Variants in PTPRG observed in about 807,000 individuals in gnomAD.
PTPRG encodes receptor-type tyrosine-protein phosphatase gamma.
PTPRG carries 102 observed loss-of-function variants against 165.3 expected under a neutral mutation model. The observed-to-expected ratio is 0.62, with a 90% CI of 0.53 to 0.73. PTPRG has a LOEUF of 0.73. PTPRG is among the 30% of genes least tolerant of loss of function. The pLI is 0.00. For missense variants in PTPRG, 1,866 were observed against 1,861.4 expected, an observed-to-expected ratio of 1.00 and a Z score of -0.05; for synonymous variants, 675 against 669.5, an observed-to-expected ratio of 1.01 and a Z score of -0.13.
At chr3:61,849,145 A>G (rs1033952356) in intron 2 of PTPRG, among the ~76,000 whole-genome samples, 1 of 152,166 alleles carries the variant, frequency 6.6e-6, no homozygotes, top group Non-Finnish European at 1.5e-5. Context: ...AACGTCAAAG[A>G]TTATTTTTGC....
Position 61,729,021 on chromosome 3 carries a change from C to T in PTPRG, c.86-19857C>T, listed in dbSNP as rs73099179. On this transcript the variant is annotated intron_variant, in intron 1 of 29. Transcript: ENST00000474889. ...AGGCTGCAGTGGGCCGAGATTGCAC[C>T]GTTGTGCTCCAGTCTGGGCGGCAGA... Among the ~76,000 whole-genome samples, 720 of 151,836 alleles carry T rather than the reference C, an allele frequency of 4.7e-3. 4 individuals carry two copies. The highest frequency in any genetic ancestry group is 0.017 in the South Asian group (81 of 4,794).
rs947934715 is a variant in PTPRG at position 62,222,198 on chromosome 3, C to T, written c.2288+3215C>T. On this transcript the variant is annotated intron_variant, in intron 13 of 29. Coordinates refer to ENST00000474889, the MANE Select transcript of PTPRG (RefSeq NM_002841.4). The surrounding 1 kb of genome is among the most constrained non-coding windows in gnomAD (Gnocchi z 4.5). ...AAATCCATTTCAAAATGCCTTAAAGCTCAAGGGGAAAAAAAAAAGTTTGAT... is the reference window on the plus strand; with the variant it reads ...AAATCCATTTCAAAATGCCTTAAAGTTCAAGGGGAAAAAAAAAAGTTTGAT... Among the ~76,000 whole-genome samples the T allele has an allele frequency of 6.6e-6, 1 of 152,032 alleles. No individual in the cohort carries two copies. Among genetic ancestry groups the T allele is most frequent in the African/African-American group, 2.4e-5 (1 of 41,392 alleles).
At chr3:61,793,309 C>T (rs1182199259) in intron 2 of PTPRG, among the ~76,000 whole-genome samples, 2 of 152,148 alleles carry the variant, frequency 1.3e-5, no homozygotes, top group Non-Finnish European at 2.9e-5. Context: ...GTGGTGGTTT[C>T]AAGACTGGTT....
At chr3:62,003,537 G>T (rs1284823034) in intron 4 of PTPRG, 40 bp downstream of exon 4, 1 of 1,607,160 alleles carries the variant, frequency 6.2e-7, no homozygotes, top group Admixed American at 1.7e-5. Context: ...GCTGTGCTTC[G>T]GTCTTTATGT....
At chr3:62,062,893 A>G (rs982809034) in intron 4 of PTPRG, among the ~76,000 whole-genome samples, 1 of 152,182 alleles carries the variant, frequency 6.6e-6, no homozygotes, top group African/African-American at 2.4e-5. Flanking sequence ...AACTCAAGCT[A>G]TCTGCCCGTC....
intron 1 of PTPRG, among the ~76,000 whole-genome samples, chr3:61,663,832 G>C (rs967713256): frequency 1.3e-5 from 2 of 152,072 alleles, no homozygotes; most frequent in Admixed American, 1.3e-4. Context: ...GCTCCTATGA[G>C]AATCTAATGC....
At chr3:62,241,145 T>C (rs1388255826) in intron 14 of PTPRG, among the ~76,000 whole-genome samples, 1 of 152,202 alleles carries the variant, frequency 6.6e-6, no homozygotes, top group African/African-American at 2.4e-5. Context: ...CTAATTTTTC[T>C]GCAAAGATGA....
intron 4 of PTPRG, among the ~76,000 whole-genome samples, chr3:62,004,010 T>G (rs1424546586): frequency 6.6e-6 from 1 of 152,188 alleles, no homozygotes; most frequent in Admixed American, 6.5e-5. Flanking sequence ...ATTTTGCTTC[T>G]GCTGTGTCAG....
intron 2 of PTPRG, among the ~76,000 whole-genome samples, chr3:61,870,744 A>C (rs1166036244): frequency 6.6e-6 from 1 of 151,830 alleles, no homozygotes; most frequent in Non-Finnish European, 1.5e-5. Context: ...AAATCTGTGT[A>C]AGTGTTGTCT....
chr3:62,179,901 C>G (rs1559610906), intron 8 of PTPRG, among the ~76,000 whole-genome samples: 3 of 152,178 alleles, frequency 2.0e-5, no homozygotes, highest in Non-Finnish European at 4.4e-5. Flanking sequence ...GGAGTTCATC[C>G]TACCACTCCA....
chr3:61,948,066 T>C (rs974373373), intron 2 of PTPRG, among the ~76,000 whole-genome samples: 1 of 152,166 alleles, frequency 6.6e-6, no homozygotes, highest in African/African-American at 2.4e-5. Context: ...GGCTCAAGCC[T>C]GTAATCCCAG....
At chr3:62,067,327 C>G (rs932300490) in intron 4 of PTPRG, among the ~76,000 whole-genome samples, 2 of 150,908 alleles carry the variant, frequency 1.3e-5, no homozygotes, top group Admixed American at 1.3e-4. Flanking sequence ...ATGTGGGGCA[C>G]TATTCTTTGC....
chr3:61,796,595 G>C (rs1302402014), intron 2 of PTPRG, among the ~76,000 whole-genome samples: 1 of 152,184 alleles, frequency 6.6e-6, no homozygotes, highest in African/African-American at 2.4e-5. Flanking sequence ...GCATGGTGGG[G>C]AGGGGGTTGC....
intron 1 of PTPRG, among the ~76,000 whole-genome samples, chr3:61,704,275 A>C (rs1440062039): frequency 1.3e-5 from 2 of 152,176 alleles, no homozygotes; most frequent in African/African-American, 4.8e-5. Flanking sequence ...TGTACCTACC[A>C]TTTAGGATTG....
At chr3:61,878,159 A>C (rs542844042) in intron 2 of PTPRG, among the ~76,000 whole-genome samples, 1 of 152,180 alleles carries the variant, frequency 6.6e-6, no homozygotes, top group Non-Finnish European at 1.5e-5. Context: ...TGTTTTATTG[A>C]TGGAGCCTTT....
chr3:62,258,494 A>C (rs796550874), intron 16 of PTPRG, among the ~76,000 whole-genome samples: 6 of 152,370 alleles, frequency 3.9e-5, no homozygotes, highest in African/African-American at 1.4e-4. Context: ...AAAGGCATCT[A>C]TGTATTTTCA....
chr3:61,717,969 C>T (rs544572142), intron 1 of PTPRG, among the ~76,000 whole-genome samples: 1 of 151,942 alleles, frequency 6.6e-6, no homozygotes, highest in South Asian at 2.1e-4. Context: ...CACTTGAGGT[C>T]AGGAGATTGA....
chr3:61,579,437 A>G (rs1186098492), intron 1 of PTPRG, among the ~76,000 whole-genome samples: 1 of 152,244 alleles, frequency 6.6e-6, no homozygotes, highest in African/African-American at 2.4e-5. Context: ...TGTGGCTAAC[A>G]CAAACCATTT....
rs1422047604 is a variant in PTPRG, at chr3:62,281,637, C to A, written c.3840C>A (p.Ile1280=). The change falls in exon 27 of 30, where the codon ATC becomes ATA. Residue 1280 remains isoleucine (I), a synonymous_variant. Transcript: ENST00000474889. The part of the protein sequence containing the change: ...MNCEAFTVTL[I]SKDRLCLSNE... ...GTGAGGCCTTTACCGTCACCCTTATCAGCAAAGACAGACTGTGCCTCTCTA... is the reference window on the plus strand; with the variant it reads ...GTGAGGCCTTTACCGTCACCCTTATAAGCAAAGACAGACTGTGCCTCTCTA... 1.3e-6 allele frequency: 2 copies of A among 1,594,316 alleles called. No homozygotes were observed. Among genetic ancestry groups the A allele is most frequent in the East Asian group, 4.6e-5 (2 of 43,626 alleles).
Sources: allele counts gnomAD v4.1 joint callset (sites outside exome capture counted in the v4.1 genomes callset), GRCh38; gene constraint gnomAD v4.1.1; non-coding constraint Gnocchi (gnomAD v3.1); transcripts MANE v1.5; gene names NCBI Gene and HGNC (gene_info 2026-07-23, HGNC 2026-07-21).